The following CDV3 variants were observed in gnomAD, a reference collection of about 807,000 sequenced individuals.
CDV3 encodes the protein CDV3 homolog.
CDV3 carries 14 observed loss-of-function variants against 24.5 expected under a neutral mutation model. The ratio of observed to expected loss-of-function variants is 0.57; its 90% CI spans 0.38 to 0.89. The LOEUF is 0.89. Among genes scored for constraint, CDV3 ranks in the 40% least tolerant of loss-of-function variants. The pLI is 0.00. For missense variants in CDV3, 304 were observed against 310.2 expected (o/e 0.98, Z 0.15); for synonymous variants, 114 against 114.1 (o/e 1.00, Z 0.00).
intron 1 of CDV3, chr3:133,574,537 C>T (rs1480734132): frequency 2.0e-6 from 2 of 985,896 alleles, no homozygotes; most frequent in African/African-American, 1.7e-5. Context: ...CGGCGCCACC[C>T]TCCGGGGGCA....
At chr3:133,583,940 A>T in intron 2 of CDV3, 62 bp from the exon 3 acceptor site, 1 of 1,226,990 alleles carries the variant, frequency 8.2e-7, no homozygotes, top group Non-Finnish European at 1.2e-6. Flanking sequence ...GATAAAACTA[A>T]CGATTTGGAC....
Position 133,576,325 on chromosome 3 carries a change from T to C in CDV3, c.317+1210T>C, listed in dbSNP as rs2074805204. On this transcript the variant is annotated intron_variant, in intron 2 of 4. Coordinates refer to ENST00000264993, the MANE Select transcript of CDV3 (RefSeq NM_017548.5). ...GTTTGATTCCCAACCACTTGTTGGC[T>C]TCCTTAATGTGTCTTTCTCTTTTCT... is the stretch of plus-strand genomic sequence containing the variant. 2.0e-5 allele frequency among the ~76,000 whole-genome samples: 3 copies of C among 151,722 alleles called. No individual in the cohort carries two copies. In the South Asian group the frequency reaches 6.2e-4, roughly 31 times the overall value.
chr3:133,583,963 T>C, intron 2 of CDV3, 39 bp from the exon 3 acceptor site: 1 of 1,522,622 alleles, frequency 6.6e-7, no homozygotes, highest in Non-Finnish European at 9.0e-7. Context: ...AAAATTTTCT[T>C]GGTGATTCCT....
intron 3 of CDV3, among the ~76,000 whole-genome samples, chr3:133,585,861 C>A (rs189115842): frequency 6.6e-6 from 1 of 152,172 alleles, no homozygotes; most frequent in Non-Finnish European, 1.5e-5. Context: ...CATATGGCAT[C>A]TTAATCAGTC....
At chr3:133,574,452 C>G (rs2107686295) in intron 1 of CDV3, 168 bp downstream of exon 1, 1 of 986,352 alleles carries the variant, frequency 1.0e-6, no homozygotes, top group East Asian at 1.1e-4. Context: ...CTCGCCAGGG[C>G]CGGGACCCCT....
chr3:133,587,938 AAAT>A lies in CDV3; in HGVS notation c.671_673del (p.Asn224del). 1 of 1,613,642 alleles carries A rather than the reference AAAT, an allele frequency of 6.2e-7. No homozygotes were observed. The highest frequency in any genetic ancestry group is 8.5e-7 in the Non-Finnish European group (1 of 1,179,544). The stretch of plus-strand genomic sequence containing the variant: ...AGAGCTTTGAAGTAGTAAGACACAA[AAAT>A]AGAGGTAGGGATGAGGTTTCAAAAA... On this transcript the variant is annotated inframe_deletion, in exon 5 of 5. Coordinates refer to ENST00000264993, the MANE Select transcript of CDV3 (RefSeq NM_017548.5).
intron 4 of CDV3, 117 bp downstream of exon 4, chr3:133,586,839 C>G (rs1459811481): frequency 3.1e-6 from 2 of 653,596 alleles, no homozygotes; most frequent in African/African-American, 3.7e-5. Flanking sequence ...CTAATAAAGC[C>G]TGAGCTTCAG....
rs1933824314 is a variant in CDV3 at position 133,588,435 on chromosome 3, G to A, written c.*389G>A. The A allele has an allele frequency of 7.1e-7, 1 of 1,405,924 alleles. No homozygotes were observed. The highest frequency in any genetic ancestry group is 2.0e-5 in the Admixed American group (1 of 50,520). 87.1% of individuals were successfully genotyped at this position (1,405,924 alleles called of 1,614,324 possible). A position where few individuals can be genotyped will look rare whatever the true frequency, so the allele number is the denominator to read the frequency against. ...CATGTGGATCACAACTTCTGGATAA[G>A]AAGATTACAACTATTAAGTGTCGAT... On this transcript the variant is annotated 3_prime_UTR_variant, in exon 5 of 5. Transcript: ENST00000264993.
Position 133,576,231 on chromosome 3 carries a change from C to G in CDV3, c.317+1116C>G, listed in dbSNP as rs139019380. On this transcript the variant is annotated intron_variant, in intron 2 of 4. Transcript: ENST00000264993. ...CCCCAGATTGATAATGGGAAACTTT[C>G]AGGAACGATGGCTTCTCCACTCTTG... Among the ~76,000 whole-genome samples the G allele has an allele frequency of 4.6e-5, 7 of 152,360 alleles. 1 individual carries two copies. The highest frequency in any genetic ancestry group is 2.1e-4 in the South Asian group (1 of 4,832).
At position 133,587,808 on chromosome 3, in the gene CDV3, G is replaced by A. The variant is rs1933769469; in HGVS notation, c.627-88G>A. ...ACCCCTCCCCAGGATTCTTCTAAGG[G>A]GTGGCTTTTTTTTAAATTCAAGGAC... is the stretch of plus-strand genomic sequence containing the variant. On this transcript the variant is annotated intron_variant, in intron 4 of 4. Coordinates refer to ENST00000264993, the MANE Select transcript of CDV3 (RefSeq NM_017548.5). The A allele has an allele frequency of 3.3e-6, 5 of 1,512,332 alleles. No homozygotes were observed. In the East Asian group the frequency reaches 1.1e-4, roughly 34 times the overall value. The allele number at this position is 1,512,332 out of a possible 1,614,324, so 93.7% of individuals were successfully genotyped here.
At chr3:133,576,841 C>CTTTTTTTTTT (rs370619351) in intron 2 of CDV3, among the ~76,000 whole-genome samples, 3,897 of 62,142 alleles carry the variant, frequency 0.063, 1,243 homozygotes, top group East Asian at 0.08. Flanking sequence ...GGTAGACTAG[C>CTTTTTTTTTT]TTTTTTTTTT....
In CDV3 at chr3:133,588,309, A is replaced by G. The variant is rs1208030405; in HGVS notation, c.*263A>G. On this transcript the variant is annotated 3_prime_UTR_variant, in exon 5 of 5. Coordinates refer to ENST00000264993, the MANE Select transcript of CDV3 (RefSeq NM_017548.5). ...ATTTACTCTGCAAATACAAAAAACC[A>G]AAACCTGCAGCCAGTGGTCATTTCA... is the stretch of plus-strand genomic sequence containing the variant. 1.3e-6 allele frequency: 2 copies of G among 1,537,322 alleles called. No individual in the cohort carries two copies. Among genetic ancestry groups the G allele is most frequent in the Admixed American group, 2.0e-5 (1 of 50,954 alleles).
chr3:133,574,388 C>A (rs1317744738), intron 1 of CDV3, 104 bp downstream of exon 1: 1 of 943,138 alleles, frequency 1.1e-6, no homozygotes, highest in East Asian at 1.2e-4. Context: ...CCGCGGAGGC[C>A]GGGCGGACGG....
intron 3 of CDV3, among the ~76,000 whole-genome samples, chr3:133,585,184 G>T (rs763339026): frequency 2.9e-4 from 44 of 151,802 alleles, no homozygotes; most frequent in Non-Finnish European, 4.9e-4. Context: ...AGCCTTCCAA[G>T]TAGACTACCG....
chr3:133,580,234 C>T (rs758470224), intron 2 of CDV3, among the ~76,000 whole-genome samples: 33 of 151,726 alleles, frequency 2.2e-4, no homozygotes, highest in Non-Finnish European at 3.4e-4. Flanking sequence ...GGTTTTCTGT[C>T]CTTGTGATAT....
chr3:133,579,551 T>C (rs1221777247), intron 2 of CDV3, among the ~76,000 whole-genome samples: 1 of 152,166 alleles, frequency 6.6e-6, no homozygotes, highest in Non-Finnish European at 1.5e-5. Context: ...TCTCTGGGCT[T>C]CAATTCCTTC....
rs111893927 is a variant in CDV3 at position 133,585,130 on chromosome 3, T to C, written c.466+980T>C. Among the ~76,000 whole-genome samples the C allele has an allele frequency of 7.8e-3, 1,177 of 151,672 alleles. 20 individuals carry two copies. The highest frequency in any genetic ancestry group is 0.026 in the African/African-American group (1,094 of 41,370). On this transcript the variant is annotated intron_variant, in intron 3 of 4. Transcript: ENST00000264993. ...AGAGCAGTCATGCAATCATGGCTCATTGCAGCCCCTCAACTGCTTGGGCTC... is the reference window on the plus strand; with the variant it reads ...AGAGCAGTCATGCAATCATGGCTCACTGCAGCCCCTCAACTGCTTGGGCTC...
chr3:133,579,938 A>G lies in CDV3; in HGVS notation c.318-4064A>G, dbSNP rs184318068. 7.8e-4 allele frequency among the ~76,000 whole-genome samples: 119 copies of G among 152,320 alleles called. 1 individual carries two copies. Among genetic ancestry groups the G allele is most frequent in the Admixed American group, 2.7e-3 (42 of 15,298 alleles). The stretch of plus-strand genomic sequence containing the variant: ...CAATTTCCACATGTTTAGTTTAGCT[A>G]GTATTTCAGAATCTTAACCCAAAAT... On this transcript the variant is annotated intron_variant, in intron 2 of 4. Transcript: ENST00000264993.
intron 3 of CDV3, among the ~76,000 whole-genome samples, chr3:133,585,340 TTA>T (rs570420299): frequency 6.6e-6 from 1 of 152,170 alleles, no homozygotes; most frequent in South Asian, 2.1e-4. Flanking sequence ...ACACCCGGTC[TTA>T]TGTTTTTAAA....
Sources: gnomAD v4.1 joint callset for allele counts (sites outside exome capture counted in the v4.1 genomes callset) on GRCh38, gnomAD v4.1.1 for gene constraint, MANE v1.5 for transcripts, NCBI Gene and HGNC (gene_info 2026-07-23, HGNC 2026-07-21) for gene names.